CNTNAP4: variants seen among roughly 807,000 people sequenced by gnomAD.
CNTNAP4 encodes the protein contactin-associated protein-like 4.
CNTNAP4 carries 98 observed loss-of-function variants against 148.4 expected under a neutral mutation model. That is an observed-to-expected ratio of 0.66 (90% confidence interval 0.56 to 0.78). CNTNAP4 has a LOEUF of 0.78. Ranked by LOEUF, CNTNAP4 falls within the 30% of genes least tolerant of loss-of-function variation. The pLI is 0.00. For synonymous variants in CNTNAP4, 730 were observed against 565.1 expected, an observed-to-expected ratio of 1.29 and a Z score of -4.14; for missense variants, 1,935 against 1,565.6, an observed-to-expected ratio of 1.24 and a Z score of -3.98.
chr16:76,383,779 G>A (rs1567946235), intron 3 of CNTNAP4, among the ~76,000 whole-genome samples: 1 of 152,160 alleles, frequency 6.6e-6, no homozygotes, highest in African/African-American at 2.4e-5. Flanking sequence ...GTCTGGGACT[G>A]AATTTAAAAT....
intron 2 of CNTNAP4, among the ~76,000 whole-genome samples, chr16:76,325,959 AAG>A (rs1485428910): frequency 6.6e-6 from 1 of 152,188 alleles, no homozygotes; most frequent in South Asian, 2.1e-4. Flanking sequence ...CTCTACCTGT[AAG>A]AGAGAAATTT....
intron 17 of CNTNAP4, among the ~76,000 whole-genome samples, chr16:76,531,104 G>A (rs1284432899): frequency 3.9e-5 from 6 of 152,184 alleles, no homozygotes; most frequent in Admixed American, 3.9e-4. Context: ...TTAAAGAGAA[G>A]GTTGAGGATC....
intron 2 of CNTNAP4, among the ~76,000 whole-genome samples, chr16:76,346,856 G>A (rs966725195): frequency 6.6e-6 from 1 of 152,042 alleles, no homozygotes; most frequent in African/African-American, 2.4e-5. Flanking sequence ...ACTTTTCAAA[G>A]CACTGCATTA....
At chr16:76,330,703 A>T (rs190784371) in intron 2 of CNTNAP4, among the ~76,000 whole-genome samples, 65 of 152,342 alleles carry the variant, frequency 4.3e-4, no homozygotes, top group African/African-American at 1.5e-3. Context: ...TCTTATACTT[A>T]TTAGATTTGC....
intron 2 of CNTNAP4, among the ~76,000 whole-genome samples, chr16:76,321,007 C>T (rs2078664627): frequency 6.6e-6 from 1 of 152,160 alleles, no homozygotes; most frequent in South Asian, 2.1e-4. Flanking sequence ...CCACTCACAT[C>T]TTCTGTAAGA....
At chr16:76,445,211 G>A (rs1326912420) in intron 4 of CNTNAP4, among the ~76,000 whole-genome samples, 1 of 152,140 alleles carries the variant, frequency 6.6e-6, no homozygotes, top group Non-Finnish European at 1.5e-5. Flanking sequence ...CCTGTTTCTA[G>A]ACCTGAGAAC....
At chr16:76,295,190 T>A (rs9933161) in intron 1 of CNTNAP4, among the ~76,000 whole-genome samples, 3,029 of 152,260 alleles carry the variant, frequency 0.02, 105 homozygotes, top group African/African-American at 0.068. Context: ...AGGTGTTTAC[T>A]GAAGGATGAA....
At chr16:76,385,753 A>G (rs985550894) in intron 3 of CNTNAP4, among the ~76,000 whole-genome samples, 1 of 152,164 alleles carries the variant, frequency 6.6e-6, no homozygotes, top group East Asian at 1.9e-4. Context: ...TTCTGTTTAA[A>G]GACACCTTAT....
At chr16:76,431,563 T>C (rs9931406) in intron 4 of CNTNAP4, among the ~76,000 whole-genome samples, 95,310 of 151,978 alleles carry the variant, frequency 0.63, 30,989 homozygotes, top group African/African-American at 0.8. Context: ...CCTGTAATCC[T>C]AGCTACTTGG....
chr16:76,365,808 G>A (rs1275859834), intron 3 of CNTNAP4, among the ~76,000 whole-genome samples: 1 of 149,516 alleles, frequency 6.7e-6, no homozygotes, highest in African/African-American at 2.5e-5. Flanking sequence ...TTTTATAAAG[G>A]TAATTCAGTA....
chr16:76,421,960 G>A (rs1221601812), intron 3 of CNTNAP4, among the ~76,000 whole-genome samples: 2 of 152,130 alleles, frequency 1.3e-5, no homozygotes, highest in East Asian at 1.9e-4. Context: ...CTTACAAATT[G>A]CCATATGGGC....
chr16:76,475,414 G>C (rs1001338240), intron 10 of CNTNAP4, among the ~76,000 whole-genome samples: 6 of 152,096 alleles, frequency 3.9e-5, no homozygotes, highest in African/African-American at 1.4e-4. Context: ...ATTATCCTGG[G>C]AGTCCCTATG....
chr16:76,334,155 C>T (rs1963807208), intron 2 of CNTNAP4, among the ~76,000 whole-genome samples: 2 of 149,468 alleles, frequency 1.3e-5, no homozygotes, highest in Non-Finnish European at 1.5e-5. Flanking sequence ...ACGTTGTGCA[C>T]ATGTACCCTA....
intron 21 of CNTNAP4, among the ~76,000 whole-genome samples, chr16:76,542,299 G>A (rs1042323521): frequency 3.3e-5 from 5 of 152,182 alleles, no homozygotes; most frequent in Non-Finnish European, 5.9e-5. Flanking sequence ...CTCTGGGTAT[G>A]TAACTATCTA....
chr16:76,504,449 C>T (rs774818585), intron 15 of CNTNAP4, among the ~76,000 whole-genome samples: 6 of 151,710 alleles, frequency 4.0e-5, no homozygotes, highest in Non-Finnish European at 8.8e-5. Flanking sequence ...TACTTCAAAG[C>T]AGATACAAAA....
chr16:76,383,547 G>A (rs147806182), intron 3 of CNTNAP4, among the ~76,000 whole-genome samples: 158 of 152,068 alleles, frequency 1.0e-3, no homozygotes, highest in African/African-American at 3.6e-3. Flanking sequence ...AAGAGAAACA[G>A]CAATCGAATG....
chr16:76,411,015 A>T (rs1379612689), intron 3 of CNTNAP4, among the ~76,000 whole-genome samples: 2 of 151,462 alleles, frequency 1.3e-5, no homozygotes, highest in Non-Finnish European at 3.0e-5. Context: ...ACATTATAAT[A>T]TGAAGTATAC....
At chr16:76,485,104 T>TTTTTC (rs900471156) in intron 12 of CNTNAP4, among the ~76,000 whole-genome samples, 1 of 152,132 alleles carries the variant, frequency 6.6e-6, no homozygotes, top group South Asian at 2.1e-4. Context: ...TCCGTATTGC[T>TTTTTC]TTTTCTTTTC....
chr16:76,325,414 A>T (rs890171489), intron 2 of CNTNAP4, among the ~76,000 whole-genome samples: 3 of 152,166 alleles, frequency 2.0e-5, no homozygotes, highest in African/African-American at 7.2e-5. Context: ...TGGACCATAA[A>T]TTGTTTCAAT....
Sources: gnomAD v4.1 joint callset for allele counts (sites outside exome capture counted in the v4.1 genomes callset) on GRCh38, gnomAD v4.1.1 for gene constraint, MANE v1.5 for transcripts, NCBI Gene and HGNC (gene_info 2026-07-23, HGNC 2026-07-21) for gene names.